The following STARD13 variants were observed in gnomAD, a reference collection of about 807,000 sequenced individuals.
STARD13 encodes stAR-related lipid transfer protein 13.
In STARD13, 62 loss-of-function variants were observed where a neutral mutation model predicts 106.4. The observed-to-expected ratio is 0.58, with a 90% CI of 0.48 to 0.72. STARD13 has a LOEUF of 0.72. STARD13 is among the 30% of genes least tolerant of loss of function. The pLI is 0.00. For missense variants in STARD13, 1,387 were observed against 1,424.0 expected, an observed-to-expected ratio of 0.97 and a Z score of 0.42; for synonymous variants, 565 against 553.0, an observed-to-expected ratio of 1.02 and a Z score of -0.31.
upstream of STARD13, among the ~76,000 whole-genome samples, chr13:33,288,984 G>A (rs1012315340): frequency 2.0e-5 from 3 of 152,272 alleles, no homozygotes; most frequent in Admixed American, 2.0e-4. Flanking sequence ...AATTACCACT[G>A]GGGTAGACAG....
At chr13:33,126,271 C>A (rs1341369406) in intron 6 of STARD13, 31 bp from the exon 7 acceptor site, 2 of 1,608,558 alleles carry the variant, frequency 1.2e-6, no homozygotes, top group South Asian at 1.1e-5. Context: ...GTCATGCAAG[C>A]CTCCTGGGTC....
chr13:33,590,905 C>T, the STARD13 span, among the ~76,000 whole-genome samples: 26 of 152,178 alleles, frequency 1.7e-4, no homozygotes, highest in Non-Finnish European at 3.4e-4. Context: ...ATCTTGAAGT[C>T]GCTTTGAGAA....
chr13:33,139,968 C>T (rs76973724), intron 4 of STARD13, among the ~76,000 whole-genome samples: 2,338 of 152,250 alleles, frequency 0.015, 71 homozygotes, highest in African/African-American at 0.053. Context: ...CAATTTACAA[C>T]ATGAAAAGCA....
At chr13:33,106,956 A>G in intron 12 of STARD13, 22 bp from the exon 13 acceptor site, 1 of 1,600,854 alleles carries the variant, frequency 6.2e-7, no homozygotes, top group Non-Finnish European at 8.5e-7. Context: ...CAATCCGCAC[A>G]TCAGAGTCAT....
chr13:33,144,214 C>T (rs1050380092), intron 3 of STARD13, among the ~76,000 whole-genome samples: 5 of 152,320 alleles, frequency 3.3e-5, no homozygotes, highest in Admixed American at 2.6e-4. Flanking sequence ...GCATTCTCTT[C>T]AAAACCTGTT....
At chr13:33,636,783 G>A in the STARD13 span, among the ~76,000 whole-genome samples, 250 of 152,226 alleles carry the variant, frequency 1.6e-3, 1 homozygote, top group African/African-American at 5.7e-3. Context: ...TGGCTGGGTC[G>A]TCAGGACCCT....
intron 1 of STARD13, among the ~76,000 whole-genome samples, chr13:33,258,370 G>GA (rs1243638231): frequency 6.6e-6 from 1 of 151,802 alleles, no homozygotes; most frequent in Non-Finnish European, 1.5e-5. Flanking sequence ...GAGCAAAAAA[G>GA]AACAGGTTTC....
At chr13:33,544,078 A>G in the STARD13 span, among the ~76,000 whole-genome samples, 1 of 152,248 alleles carries the variant, frequency 6.6e-6, no homozygotes, top group African/African-American at 2.4e-5. Flanking sequence ...AGTATACTAA[A>G]TATTTCAGTT....
rs541810739 is a variant in STARD13 at position 33,127,706 on chromosome 13, T to C, written c.1749-160A>G. On this transcript the variant is annotated intron_variant, in intron 5 of 13. Transcript: ENST00000336934. ...AAGACACAAGTGTGCAGAATAAACA[T>C]AGGACATGATTTTTCCAAGTCAGAT... Among the ~76,000 whole-genome samples, 86 of 152,318 alleles carry C rather than the reference T, an allele frequency of 5.6e-4. 1 individual carries two copies. The highest frequency in any genetic ancestry group is 1.9e-3 in the African/African-American group (81 of 41,578).
At chr13:33,639,367 A>G in the STARD13 span, among the ~76,000 whole-genome samples, 1 of 152,222 alleles carries the variant, frequency 6.6e-6, no homozygotes, top group African/African-American at 2.4e-5. Flanking sequence ...TGGGAGACGG[A>G]TGATTCAAAG....
At chr13:33,580,765 G>A in the STARD13 span, among the ~76,000 whole-genome samples, 1 of 152,024 alleles carries the variant, frequency 6.6e-6, no homozygotes, top group Non-Finnish European at 1.5e-5. Context: ...AGGCCAGGCT[G>A]GCAAACATTT....
At chr13:33,164,569 T>C (rs1883106790) in intron 3 of STARD13, among the ~76,000 whole-genome samples, 1 of 152,182 alleles carries the variant, frequency 6.6e-6, no homozygotes, top group Non-Finnish European at 1.5e-5. Context: ...GCTTTAATTA[T>C]GAAACTTCAA....
the STARD13 span, among the ~76,000 whole-genome samples, chr13:33,546,276 C>T: frequency 6.6e-6 from 1 of 152,002 alleles, no homozygotes; most frequent in African/African-American, 2.4e-5. Flanking sequence ...ATATTTGTGG[C>T]AAAAAGCATT....
chr13:33,440,421 C>A, the STARD13 span, among the ~76,000 whole-genome samples: 1 of 152,068 alleles, frequency 6.6e-6, no homozygotes, highest in Non-Finnish European at 1.5e-5. Context: ...CACTGTGTCT[C>A]TCAGTGACAT....
chr13:33,295,704 C>CGG (rs112934415), intron 1 of STARD13, among the ~76,000 whole-genome samples: 116 of 151,246 alleles, frequency 7.7e-4, no homozygotes, highest in African/African-American at 2.6e-3. Flanking sequence ...AGAGGGTGCC[C>CGG]GGGGGGGGCA....
At chr13:33,270,065 G>A (rs1229752884) in intron 1 of STARD13, among the ~76,000 whole-genome samples, 5 of 152,014 alleles carry the variant, frequency 3.3e-5, no homozygotes, top group Admixed American at 6.5e-5. Flanking sequence ...GTGAAAACCC[G>A]TCTGTACTAA....
In STARD13 at chr13:33,152,745, T is replaced by C. The variant is rs145545210; in HGVS notation, c.324-10372A>G. Among the ~76,000 whole-genome samples the C allele has an allele frequency of 3.7e-3, 569 of 152,352 alleles. 2 individuals are homozygous for C. The highest frequency in any genetic ancestry group is 0.013 in the African/African-American group (537 of 41,586). ...TCCCAGCTCTTTTTGGGAAACTAGC[T>C]GGAGGATCCTTGGGCCTCTGCTGTC... On this transcript the variant is annotated intron_variant, in intron 3 of 13. Coordinates refer to ENST00000336934, the MANE Select transcript of STARD13 (RefSeq NM_178006.4).
the STARD13 span, among the ~76,000 whole-genome samples, chr13:33,425,955 T>A: frequency 6.6e-6 from 1 of 152,204 alleles, no homozygotes; most frequent in South Asian, 2.1e-4. Flanking sequence ...ATATATATAT[T>A]CTCATTTAGC....
chr13:33,657,689 A>G, the STARD13 span, among the ~76,000 whole-genome samples: 1 of 152,218 alleles, frequency 6.6e-6, no homozygotes, highest in African/African-American at 2.4e-5. Context: ...GTTTAGATGT[A>G]ACTGTCCAAA....
Sources: allele counts gnomAD v4.1 joint callset (sites outside exome capture counted in the v4.1 genomes callset), GRCh38; gene constraint gnomAD v4.1.1; transcripts MANE v1.5; gene names NCBI Gene and HGNC (gene_info 2026-07-23, HGNC 2026-07-21).